Variants in TRERF1 observed in about 807,000 individuals in gnomAD.
The protein encoded by TRERF1 is transcriptional regulating factor 1, also known as transcriptional-regulating factor 1.
TRERF1 carries 27 observed loss-of-function variants against 122.9 expected under a neutral mutation model. That is an observed-to-expected ratio of 0.22 (90% CI 0.16 to 0.30). The LOEUF is 0.30. Ranked by LOEUF, TRERF1 falls within the 10% of genes least tolerant of loss-of-function variation. TRERF1 has a pLI of 1.00. For missense variants in TRERF1, 1,248 were observed against 1,560.3 expected (o/e 0.80, Z 3.37); for synonymous variants, 636 against 641.7 (o/e 0.99, Z 0.13).
chr6:42,335,598 G>A (rs918008025), intron 3 of TRERF1, among the ~76,000 whole-genome samples: 1 of 152,170 alleles, frequency 6.6e-6, no homozygotes, highest in African/African-American at 2.4e-5. Flanking sequence ...CATGAGTGCG[G>A]ATGGGGCGTG....
chr6:42,269,184 G>A lies in TRERF1; in HGVS notation c.407C>T (p.Thr136Ile), dbSNP rs1399866788. Residue 136 changes from threonine to isoleucine, a missense_variant, in exon 5 of 18, where the codon ACC (threonine) becomes ATC (isoleucine). By Grantham distance (89) the Thr-to-Ile change is moderately conservative. This residue lies in a region of TRERF1 where 946 missense variants were observed against 1,073.0 expected (regional missense o/e 0.88). Coordinates refer to ENST00000372922, the Ensembl canonical transcript of TRERF1. This position sits in a 1 kb window ranked among gnomAD's most constrained non-coding sequence, Gnocchi z 4.9. ...GTCCAGCTTGTGTAAGACACCGCTGGTAAGCTTCTGGGTCCGGATCTCGCT... is the reference window on the plus strand; with the variant it reads ...GTCCAGCTTGTGTAAGACACCGCTGATAAGCTTCTGGGTCCGGATCTCGCT... 6.2e-7 allele frequency: 1 copy of A among 1,614,244 alleles called. No homozygotes were observed. Among genetic ancestry groups the A allele is most frequent in the South Asian group, 1.1e-5 (1 of 91,090 alleles).
chr6:42,360,700 G>A (rs1471207689), intron 3 of TRERF1, among the ~76,000 whole-genome samples: 1 of 149,022 alleles, frequency 6.7e-6, no homozygotes. Flanking sequence ...CCACAGCCTG[G>A]TGCAGGAGCC....
At chr6:42,391,573 AC>A (rs1379398567) in intron 2 of TRERF1, among the ~76,000 whole-genome samples, 1 of 151,466 alleles carries the variant, frequency 6.6e-6, no homozygotes, top group Non-Finnish European at 1.5e-5. Flanking sequence ...CACACCCACC[AC>A]CCCCATGCCT....
intron 2 of TRERF1, among the ~76,000 whole-genome samples, chr6:42,441,160 T>A (rs1403820699): frequency 6.6e-6 from 1 of 152,086 alleles, no homozygotes; most frequent in Admixed American, 6.6e-5. Flanking sequence ...GCACAATGAG[T>A]TCCACTAATC....
At chr6:42,369,589 T>G (rs1581831706) in intron 2 of TRERF1, among the ~76,000 whole-genome samples, 1 of 152,180 alleles carries the variant, frequency 6.6e-6, no homozygotes, top group African/African-American at 2.4e-5. Context: ...TTCACAGATT[T>G]GCTAAAACTT....
intron 15 of TRERF1, among the ~76,000 whole-genome samples, chr6:42,240,358 G>T (rs1773406390): frequency 6.6e-6 from 1 of 152,186 alleles, no homozygotes; most frequent in Non-Finnish European, 1.5e-5. Context: ...CATATTCTCT[G>T]ATTTTGCCCC....
At chr6:42,443,848 A>C (rs1420291217) in intron 2 of TRERF1, among the ~76,000 whole-genome samples, 1 of 152,206 alleles carries the variant, frequency 6.6e-6, no homozygotes, top group Non-Finnish European at 1.5e-5. Context: ...TATATCTGAA[A>C]AGAAGACCTG....
At chr6:42,425,142 G>C (rs2151599472) in intron 2 of TRERF1, among the ~76,000 whole-genome samples, 1 of 152,216 alleles carries the variant, frequency 6.6e-6, no homozygotes, top group Non-Finnish European at 1.5e-5. Flanking sequence ...AGAGAGGGTG[G>C]GGGCAAAGTC....
chr6:42,320,598 TC>T (rs1344213421), intron 3 of TRERF1, among the ~76,000 whole-genome samples: 1 of 135,910 alleles, frequency 7.4e-6, no homozygotes, highest in Non-Finnish European at 1.5e-5. Flanking sequence ...CTCCTCCTCC[TC>T]CCAGGTTCAA....
chr6:42,394,842 T>C (rs1257547447), intron 2 of TRERF1, among the ~76,000 whole-genome samples: 1 of 151,932 alleles, frequency 6.6e-6, no homozygotes, highest in Non-Finnish European at 1.5e-5. Context: ...CGCTCAACCC[T>C]CATTCAGTGA....
intron 3 of TRERF1, among the ~76,000 whole-genome samples, chr6:42,355,723 A>G (rs912732481): frequency 1.3e-5 from 2 of 152,226 alleles, no homozygotes; most frequent in African/African-American, 4.8e-5. Flanking sequence ...GGACATTACC[A>G]TGTTAGTATA....
intron 3 of TRERF1, among the ~76,000 whole-genome samples, chr6:42,349,324 G>A (rs908921655): frequency 2.0e-5 from 3 of 151,680 alleles, no homozygotes; most frequent in Non-Finnish European, 4.4e-5. Context: ...TCTCAGCTGA[G>A]CCCTGGGTAA....
intron 8 of TRERF1, among the ~76,000 whole-genome samples, chr6:42,261,181 C>G (rs138670950): frequency 8.4e-4 from 128 of 152,326 alleles, no homozygotes; most frequent in African/African-American, 1.7e-3. Context: ...TGTGCCCCCC[C>G]CAAGGGGAGC....
At chr6:42,247,367 T>C (rs78522528) in intron 13 of TRERF1, among the ~76,000 whole-genome samples, 51 of 152,364 alleles carry the variant, frequency 3.3e-4, no homozygotes, top group African/African-American at 1.2e-3. Context: ...TCTAAGTGCT[T>C]ACTAAGTGGC....
chr6:42,255,338 T>G (rs923089282), intron 12 of TRERF1, among the ~76,000 whole-genome samples: 6 of 152,242 alleles, frequency 3.9e-5, no homozygotes, highest in Admixed American at 2.6e-4. Flanking sequence ...AACAGCTGCA[T>G]CAGTAATAAC....
rs542857939 is a variant in TRERF1 at position 42,408,312 on chromosome 6, CAT to C, written c.-454+42863_-454+42864del. Among the ~76,000 whole-genome samples, 180 of 115,350 alleles carry C rather than the reference CAT, an allele frequency of 1.6e-3. 2 individuals carry two copies. The highest frequency in any genetic ancestry group is 5.6e-3 in the African/African-American group (165 of 29,472). 75.7% of individuals were successfully genotyped at this position (115,350 alleles called of 152,430 possible). On this transcript the variant is annotated intron_variant, in intron 2 of 17. Coordinates refer to ENST00000372922, the Ensembl canonical transcript of TRERF1. ...GTGTGTGTATGTATATATACATACT[CAT>C]GTGTGTGTATATATATATATACATA... is the stretch of plus-strand genomic sequence containing the variant.
At chr6:42,293,367 G>T (rs545408897) in intron 4 of TRERF1, among the ~76,000 whole-genome samples, 1 of 152,278 alleles carries the variant, frequency 6.6e-6, no homozygotes, top group African/African-American at 2.4e-5. Flanking sequence ...CAAGGGAGAT[G>T]AGAACCAAAG....
chr6:42,236,639 T>C (rs1772290453), intron 15 of TRERF1, among the ~76,000 whole-genome samples: 1 of 152,162 alleles, frequency 6.6e-6, no homozygotes, highest in Non-Finnish European at 1.5e-5. Context: ...CTGCCCCACT[T>C]CGGGACCCCT....
chr6:42,279,105 C>T (rs1246254804), intron 4 of TRERF1, among the ~76,000 whole-genome samples: 1 of 152,188 alleles, frequency 6.6e-6, no homozygotes, highest in East Asian at 1.9e-4. Context: ...CAACTGGTGA[C>T]CCCAGGCCTC....
Sources: allele counts gnomAD v4.1 joint callset (sites outside exome capture counted in the v4.1 genomes callset), GRCh38; gene constraint gnomAD v4.1.1; regional missense constraint gnomAD v4.1.1; non-coding constraint Gnocchi (gnomAD v3.1); transcripts MANE v1.5; gene names NCBI Gene and HGNC (gene_info 2026-07-23, HGNC 2026-07-21).